CCDC178: variants seen among roughly 807,000 people sequenced by gnomAD.
CCDC178 encodes coiled-coil domain containing 178, also known as coiled-coil domain-containing protein 178.
In CCDC178, 126 loss-of-function variants were observed where a neutral mutation model predicts 117.4. The ratio of observed to expected loss-of-function variants is 1.07; its 90% confidence interval spans 0.93 to 1.24. CCDC178 has a LOEUF of 1.24. Ranked by LOEUF, CCDC178 falls within the 50% of genes most tolerant of loss-of-function variation. The pLI is 0.00. For synonymous variants in CCDC178, 283 were observed against 313.4 expected (o/e 0.90, Z 1.02); for missense variants, 1,030 against 986.9 (o/e 1.04, Z -0.59).
chr18:33,419,000 T>C (rs1194781919), intron 2 of CCDC178, among the ~76,000 whole-genome samples: 1 of 151,864 alleles, frequency 6.6e-6, no homozygotes, highest in African/African-American at 2.4e-5. Flanking sequence ...AAAAAATTCA[T>C]ATGGAACCAA....
At chr18:33,410,688 T>C (rs1482406096) in intron 3 of CCDC178, among the ~76,000 whole-genome samples, 3 of 152,146 alleles carry the variant, frequency 2.0e-5, no homozygotes, top group African/African-American at 4.8e-5. Flanking sequence ...AATTTTCTCC[T>C]CCCCGTATTC....
chr18:33,411,075 T>G (rs919838177), intron 3 of CCDC178, among the ~76,000 whole-genome samples: 1 of 152,312 alleles, frequency 6.6e-6, no homozygotes, highest in Non-Finnish European at 1.5e-5. Context: ...TGAGCTGTAC[T>G]GAGCCCACCT....
chr18:33,152,435 C>T (rs1211175063), intron 20 of CCDC178, among the ~76,000 whole-genome samples: 1 of 151,858 alleles, frequency 6.6e-6, no homozygotes, highest in Non-Finnish European at 1.5e-5. Flanking sequence ...AAGCATGACA[C>T]AAGCAGAGAG....
chr18:33,126,464 C>T (rs2058005421), intron 20 of CCDC178, among the ~76,000 whole-genome samples: 2 of 149,084 alleles, frequency 1.3e-5, no homozygotes, highest in African/African-American at 4.9e-5. Context: ...TATATATATA[C>T]TAAACTATAC....
intron 20 of CCDC178, among the ~76,000 whole-genome samples, chr18:33,175,131 C>T: frequency 6.6e-6 from 1 of 152,086 alleles, no homozygotes; most frequent in Non-Finnish European, 1.5e-5. Context: ...CCGCCTCGGC[C>T]TCCCAAAGTG....
chr18:33,364,031 G>A (rs1196266086), intron 6 of CCDC178, among the ~76,000 whole-genome samples: 1 of 152,034 alleles, frequency 6.6e-6, no homozygotes, highest in African/African-American at 2.4e-5. Flanking sequence ...TTAAGCACTT[G>A]TCTGTTGAGA....
chr18:32,974,531 C>T lies in CCDC178; in HGVS notation c.2523+16G>A. 4 of 1,611,924 alleles carry T rather than the reference C, an allele frequency of 2.5e-6. No individual in the cohort carries two copies. Among genetic ancestry groups the T allele is most frequent in the East Asian group, 2.2e-5 (1 of 44,850 alleles). ...TAGATCAGAATGATCTTTCCTACTT[C>T]CCTGCAATCACCTACCTGCACAGCT... On this transcript the variant is annotated intron_variant, in intron 22 of 22. Coordinates refer to ENST00000383096, the MANE Select transcript of CCDC178 (RefSeq NM_001105528.4).
chr18:33,314,857 A>G (rs1438478543), intron 11 of CCDC178, among the ~76,000 whole-genome samples: 1 of 152,160 alleles, frequency 6.6e-6, no homozygotes, highest in Non-Finnish European at 1.5e-5. Context: ...CTCAGAACCT[A>G]AGGAAAAAAG....
intron 21 of CCDC178, among the ~76,000 whole-genome samples, chr18:33,056,336 T>C (rs1371758657): frequency 1.3e-5 from 2 of 152,204 alleles, no homozygotes; most frequent in Non-Finnish European, 2.9e-5. Context: ...ATTTCTGCTC[T>C]CTGTATTGTA....
intron 21 of CCDC178, among the ~76,000 whole-genome samples, chr18:32,988,079 AAATAAT>A (rs145642185): frequency 0.63 from 88,686 of 140,912 alleles, 28,673 homozygotes; most frequent in Non-Finnish European, 0.7. Context: ...ATCCGTCTCA[AAATAAT>A]AATAATAATA....
intron 2 of CCDC178, among the ~76,000 whole-genome samples, chr18:33,419,483 A>G (rs2063993781): frequency 6.6e-6 from 1 of 152,220 alleles, no homozygotes; most frequent in Admixed American, 6.5e-5. Context: ...AACTATCAAC[A>G]GAGTAAACAG....
At chr18:33,121,592 T>C (rs1598904998) in intron 20 of CCDC178, among the ~76,000 whole-genome samples, 1 of 152,218 alleles carries the variant, frequency 6.6e-6, no homozygotes, top group East Asian at 1.9e-4. Context: ...ACTATAGGCT[T>C]TTGTTTTTTT....
chr18:33,217,127 CT>C (rs1568063476), intron 18 of CCDC178, among the ~76,000 whole-genome samples: 1 of 151,990 alleles, frequency 6.6e-6, no homozygotes, highest in Non-Finnish European at 1.5e-5. Flanking sequence ...CACCAACGGA[CT>C]TGTTTCTTGC....
intron 21 of CCDC178, among the ~76,000 whole-genome samples, chr18:33,069,888 A>T (rs2057079312): frequency 6.6e-6 from 1 of 152,096 alleles, no homozygotes; most frequent in Non-Finnish European, 1.5e-5. Flanking sequence ...ATTTCTCAAA[A>T]GGAGACACAC....
intron 3 of CCDC178, among the ~76,000 whole-genome samples, chr18:33,402,023 T>C (rs1478656011): frequency 6.6e-6 from 1 of 152,134 alleles, no homozygotes; most frequent in Admixed American, 6.5e-5. Flanking sequence ...GTAATACTGA[T>C]AAACAGTTGA....
chr18:33,016,709 A>C (rs796562545), intron 21 of CCDC178, among the ~76,000 whole-genome samples: 8 of 152,176 alleles, frequency 5.3e-5, no homozygotes, highest in African/African-American at 1.7e-4. Context: ...TGTTATAAGC[A>C]AAGATGTTAC....
chr18:33,407,440 T>TTCATAAAATA (rs1471646083), intron 3 of CCDC178, among the ~76,000 whole-genome samples: 2 of 152,030 alleles, frequency 1.3e-5, no homozygotes, highest in Admixed American at 6.6e-5. Context: ...ATATCCCAAA[T>TTCATAAAATA]TCATAAAATA....
At chr18:33,029,694 C>T (rs2056297906) in intron 21 of CCDC178, among the ~76,000 whole-genome samples, 1 of 151,780 alleles carries the variant, frequency 6.6e-6, no homozygotes, top group Non-Finnish European at 1.5e-5. Flanking sequence ...TATATGGTGT[C>T]CTTATCATTT....
intron 11 of CCDC178, among the ~76,000 whole-genome samples, chr18:33,318,690 G>A (rs554072319): frequency 6.6e-6 from 1 of 151,614 alleles, no homozygotes; most frequent in East Asian, 1.9e-4. Flanking sequence ...AATCCCACTG[G>A]AATAAATAAA....
Sources: gnomAD v4.1 joint callset for allele counts (sites outside exome capture counted in the v4.1 genomes callset) on GRCh38, gnomAD v4.1.1 for gene constraint, MANE v1.5 for transcripts, NCBI Gene and HGNC (gene_info 2026-07-23, HGNC 2026-07-21) for gene names.